SGCZ: variants seen among roughly 807,000 people sequenced by gnomAD.
SGCZ encodes the protein zeta-sarcoglycan.
In SGCZ, 40 loss-of-function variants were observed where a neutral mutation model predicts 41.3. The observed-to-expected ratio is 0.97, with a 90% CI of 0.75 to 1.26. The LOEUF (loss-of-function observed/expected upper bound fraction) is 1.26, where lower values mean the gene tolerates loss of function less well. Ranked by LOEUF, SGCZ falls within the 50% of genes most tolerant of loss-of-function variation. The probability of loss-of-function intolerance (pLI) is 0.00; values close to 1 mark genes in which losing one functional copy is unlikely to be tolerated. For synonymous variants in SGCZ, 206 were observed against 137.5 expected (o/e 1.50, Z -3.49); for missense variants, 552 against 369.8 (o/e 1.49, Z -4.04).
intron 1 of SGCZ, among the ~76,000 whole-genome samples, chr8:14,982,942 AC>A (rs1401569108): frequency 6.6e-6 from 1 of 152,162 alleles, no homozygotes; most frequent in Non-Finnish European, 1.5e-5. Flanking sequence ...AATTCCGGAG[AC>A]AGAGGAAGTA....
intron 2 of SGCZ, among the ~76,000 whole-genome samples, chr8:14,542,154 T>C (rs552378687): frequency 6.6e-6 from 1 of 152,238 alleles, no homozygotes; most frequent in Admixed American, 6.5e-5. Context: ...CATTTGTCAA[T>C]TTTGGCTTTT....
chr8:14,652,761 TCA>T (rs1345021401), intron 1 of SGCZ, among the ~76,000 whole-genome samples: 1 of 152,148 alleles, frequency 6.6e-6, no homozygotes, highest in Non-Finnish European at 1.5e-5. Context: ...ATCAACAAAT[TCA>T]CAGTGACTAC....
intron 3 of SGCZ, among the ~76,000 whole-genome samples, chr8:14,320,229 T>C (rs1801870948): frequency 6.6e-6 from 1 of 151,536 alleles, no homozygotes; most frequent in Admixed American, 6.6e-5. Context: ...AAATATAATA[T>C]GATAATGATA....
intron 1 of SGCZ, among the ~76,000 whole-genome samples, chr8:14,642,463 T>C (rs910551325): frequency 3.3e-5 from 5 of 151,478 alleles, no homozygotes; most frequent in South Asian, 2.1e-4. Flanking sequence ...AGAGTTACTA[T>C]ATGTAAGGTA....
chr8:14,510,351 GAATTA>G (rs925342218), intron 2 of SGCZ, among the ~76,000 whole-genome samples: 2 of 151,746 alleles, frequency 1.3e-5, no homozygotes, highest in African/African-American at 4.8e-5. Flanking sequence ...CCTCCCATTG[GAATTA>G]AATTAAAGTT....
At chr8:14,105,454 G>C (rs1222448109) in intron 6 of SGCZ, among the ~76,000 whole-genome samples, 2 of 151,464 alleles carry the variant, frequency 1.3e-5, no homozygotes, top group East Asian at 1.9e-4. Context: ...CAATGAAACC[G>C]TGTTGATTAG....
At chr8:15,126,278 T>G (rs1315387381) in intron 1 of SGCZ, among the ~76,000 whole-genome samples, 1 of 152,222 alleles carries the variant, frequency 6.6e-6, no homozygotes, top group East Asian at 1.9e-4. Context: ...AGTAGAAAAT[T>G]TATACTATTT....
intron 1 of SGCZ, among the ~76,000 whole-genome samples, chr8:14,847,547 C>G (rs963539523): frequency 9.3e-5 from 14 of 150,052 alleles, no homozygotes; most frequent in Non-Finnish European, 5.9e-5. Flanking sequence ...TCAATAGATA[C>G]AGAAAATGTG....
Position 14,777,361 on chromosome 8 carries a change from TA to T in SGCZ, c.40-222436del, listed in dbSNP as rs1313441513. 1.8e-4 allele frequency among the ~76,000 whole-genome samples: 28 copies of T among 152,258 alleles called. 1 individual carries two copies. Among genetic ancestry groups the T allele is most frequent in the African/African-American group, 5.5e-4 (23 of 41,564 alleles). On this transcript the variant is annotated intron_variant, in intron 1 of 7. Transcript: ENST00000382080. ...TTAATTTGTAAAAGAGAAAGCTGAA[TA>T]AAAAAATACGTCAGTATTTTCTATA...
intron 1 of SGCZ, among the ~76,000 whole-genome samples, chr8:15,041,811 A>C (rs373453077): frequency 2.0e-5 from 3 of 151,940 alleles, no homozygotes; most frequent in South Asian, 4.2e-4. Flanking sequence ...TGAAATATGT[A>C]AATCAGAAAA....
At chr8:14,588,311 G>C (rs749332981) in intron 1 of SGCZ, among the ~76,000 whole-genome samples, 14 of 151,640 alleles carry the variant, frequency 9.2e-5, no homozygotes, top group Non-Finnish European at 2.1e-4. Flanking sequence ...ATTTAATGTT[G>C]CCAAGAAAGT....
In SGCZ at chr8:15,167,939, C is replaced by G. The variant is rs114853998; in HGVS notation, c.39+69646G>C. 7.0e-3 allele frequency among the ~76,000 whole-genome samples: 1,063 copies of G among 152,278 alleles called. 8 individuals are homozygous for G. Among genetic ancestry groups the G allele is most frequent in the African/African-American group, 0.022 (928 of 41,538 alleles). On this transcript the variant is annotated intron_variant, in intron 1 of 7. Transcript: ENST00000382080. ...CCAGGTCATGGGAATAAATAGGGTGCCCATCACTTGGCGGTTTCTTTTTGG... is the reference window on the plus strand; with the variant it reads ...CCAGGTCATGGGAATAAATAGGGTGGCCATCACTTGGCGGTTTCTTTTTGG...
chr8:14,416,503 T>A (rs1372817804), intron 2 of SGCZ, among the ~76,000 whole-genome samples: 1 of 151,848 alleles, frequency 6.6e-6, no homozygotes, highest in East Asian at 1.9e-4. Context: ...CTGTATACAA[T>A]TAGCAGAGTG....
At chr8:14,629,821 C>T (rs1268317315) in intron 1 of SGCZ, among the ~76,000 whole-genome samples, 9 of 151,860 alleles carry the variant, frequency 5.9e-5, no homozygotes, top group African/African-American at 2.4e-5. Context: ...TGCTTCATGA[C>T]TCAAAGAGCT....
chr8:14,723,309 G>C (rs556733886), intron 1 of SGCZ, among the ~76,000 whole-genome samples: 1 of 152,202 alleles, frequency 6.6e-6, no homozygotes, highest in Non-Finnish European at 1.5e-5. Flanking sequence ...CTGAACACCA[G>C]GGCTTGTTCC....
At chr8:14,252,834 T>A (rs1362757551) in intron 3 of SGCZ, among the ~76,000 whole-genome samples, 1 of 152,212 alleles carries the variant, frequency 6.6e-6, no homozygotes, top group African/African-American at 2.4e-5. Flanking sequence ...TTAGCTTTCA[T>A]TTTCTACTAT....
At chr8:15,229,759 G>A (rs752886675) in intron 1 of SGCZ, among the ~76,000 whole-genome samples, 26 of 152,174 alleles carry the variant, frequency 1.7e-4, no homozygotes, top group Non-Finnish European at 1.2e-4. Flanking sequence ...TCATGACATT[G>A]ATTTATTGTA....
chr8:14,984,767 A>G (rs1397691080), intron 1 of SGCZ, among the ~76,000 whole-genome samples: 2 of 152,196 alleles, frequency 1.3e-5, no homozygotes, highest in African/African-American at 4.8e-5. Flanking sequence ...TCATTGAGCT[A>G]CAATTAAATT....
At chr8:14,718,108 C>G (rs1257802928) in intron 1 of SGCZ, among the ~76,000 whole-genome samples, 1 of 151,484 alleles carries the variant, frequency 6.6e-6, no homozygotes, top group East Asian at 1.9e-4. Context: ...CTGTGACTCT[C>G]TAAGCTAAAT....
Sources: allele counts gnomAD v4.1 joint callset (sites outside exome capture counted in the v4.1 genomes callset), GRCh38; gene constraint gnomAD v4.1.1; transcripts MANE v1.5; gene names NCBI Gene and HGNC (gene_info 2026-07-23, HGNC 2026-07-21).